The following CDK14 variants were observed in gnomAD, a reference collection of about 807,000 sequenced individuals.
The protein encoded by CDK14 is cyclin-dependent kinase 14.
A neutral mutation model predicts 60.7 loss-of-function variants in CDK14; 34 were observed. That is an observed-to-expected ratio of 0.56 (90% CI 0.43 to 0.75). The LOEUF is 0.75. CDK14 is among the 30% of genes least tolerant of loss of function. The pLI is 0.00. For missense variants in CDK14, 482 were observed against 564.1 expected (o/e 0.85, Z 1.47); for synonymous variants, 197 against 203.7 (o/e 0.97, Z 0.28).
intron 11 of CDK14, among the ~76,000 whole-genome samples, chr7:91,063,512 A>G (rs1447599818): frequency 1.3e-5 from 2 of 152,242 alleles, no homozygotes; most frequent in East Asian, 3.8e-4. Flanking sequence ...TTGTTTAAAA[A>G]GGACATAAGT....
chr7:90,623,963 A>G (rs576422419), intron 2 of CDK14, among the ~76,000 whole-genome samples: 3 of 152,278 alleles, frequency 2.0e-5, no homozygotes, highest in South Asian at 4.1e-4. Flanking sequence ...GCTTGCTAAG[A>G]TTAGGCAGGA....
chr7:90,837,136 C>T (rs959136430), intron 5 of CDK14, among the ~76,000 whole-genome samples: 16 of 152,246 alleles, frequency 1.1e-4, no homozygotes, highest in African/African-American at 3.9e-4. Flanking sequence ...CATTTTCCCT[C>T]AGGCCTTTGG....
chr7:90,844,650 T>C (rs1430409612), intron 5 of CDK14, among the ~76,000 whole-genome samples: 1 of 152,184 alleles, frequency 6.6e-6, no homozygotes, highest in Non-Finnish European at 1.5e-5. Flanking sequence ...AAGCTCCAGA[T>C]CTGTTGTTCA....
chr7:90,778,912 TC>T (rs1299025021), intron 4 of CDK14, among the ~76,000 whole-genome samples: 7 of 144,900 alleles, frequency 4.8e-5, no homozygotes, highest in African/African-American at 1.8e-4. Flanking sequence ...TTCTCTCTCC[TC>T]TCTCTTTTCT....
At chr7:90,643,204 C>G (rs1800381491) in intron 2 of CDK14, among the ~76,000 whole-genome samples, 1 of 152,204 alleles carries the variant, frequency 6.6e-6, no homozygotes, top group Admixed American at 6.5e-5. Context: ...ACACACACAG[C>G]CTCCAAACAC....
At chr7:90,665,539 C>T (rs967599025) in intron 2 of CDK14, among the ~76,000 whole-genome samples, 5 of 152,010 alleles carry the variant, frequency 3.3e-5, no homozygotes, top group African/African-American at 7.3e-5. Context: ...AGTTTCAGTC[C>T]GGGTTATTAA....
intron 14 of CDK14, among the ~76,000 whole-genome samples, chr7:91,143,851 C>T (rs1800541451): frequency 1.3e-5 from 2 of 152,098 alleles, no homozygotes; most frequent in Admixed American, 1.3e-4. Flanking sequence ...GTTCTTATCC[C>T]CGTTTTGCAG....
intron 10 of CDK14, among the ~76,000 whole-genome samples, chr7:91,029,600 T>G (rs1562874919): frequency 5.9e-5 from 7 of 118,512 alleles, no homozygotes; most frequent in South Asian, 5.7e-4. Context: ...TCTCCTCTCC[T>G]CTCCTCTCCT....
chr7:90,651,064 C>G (rs1800627125), intron 2 of CDK14, among the ~76,000 whole-genome samples: 1 of 152,140 alleles, frequency 6.6e-6, no homozygotes, highest in South Asian at 2.1e-4. Flanking sequence ...GCCATTTTCA[C>G]AATACTGATT....
intron 5 of CDK14, among the ~76,000 whole-genome samples, chr7:90,841,681 C>CACACACACACACACAT (rs1786175102): frequency 6.6e-6 from 1 of 151,650 alleles, no homozygotes; most frequent in Admixed American, 6.6e-5. Context: ...CACACACACA[C>CACACACACACACACAT]ACACACACAC....
At chr7:90,669,963 G>A (rs1355193711) in intron 2 of CDK14, among the ~76,000 whole-genome samples, 2 of 152,196 alleles carry the variant, frequency 1.3e-5, no homozygotes, top group Non-Finnish European at 2.9e-5. Context: ...TATAAATTCT[G>A]ATTTGGGGTT....
chr7:91,188,064 T>C (rs1802245989), intron 14 of CDK14, among the ~76,000 whole-genome samples: 1 of 152,216 alleles, frequency 6.6e-6, no homozygotes, highest in Non-Finnish European at 1.5e-5. Flanking sequence ...TGTTCTTTAT[T>C]AGAAAAGAAA....
chr7:91,101,345 G>A (rs563508145), intron 12 of CDK14, among the ~76,000 whole-genome samples: 11 of 152,140 alleles, frequency 7.2e-5, no homozygotes, highest in African/African-American at 2.7e-4. Flanking sequence ...ATAATACATG[G>A]GAAGGCATTT....
intron 14 of CDK14, among the ~76,000 whole-genome samples, chr7:91,188,622 A>G (rs1802260979): frequency 1.3e-5 from 2 of 152,320 alleles, no homozygotes; most frequent in South Asian, 4.1e-4. Context: ...TAGAGTAAGA[A>G]TTTCAGAATC....
chr7:91,176,618 A>G (rs1370764802), intron 14 of CDK14, among the ~76,000 whole-genome samples: 1 of 152,228 alleles, frequency 6.6e-6, no homozygotes, highest in African/African-American at 2.4e-5. Context: ...AAAAAATGAT[A>G]AAGGGCATAT....
At chr7:90,764,585 T>G (rs1287050584) in intron 4 of CDK14, among the ~76,000 whole-genome samples, 1 of 152,188 alleles carries the variant, frequency 6.6e-6, no homozygotes, top group Non-Finnish European at 1.5e-5. Flanking sequence ...AGTGCAAGAT[T>G]GTATGGTAGA....
At chr7:91,055,439 A>G (rs1415649836) in intron 11 of CDK14, among the ~76,000 whole-genome samples, 1 of 152,234 alleles carries the variant, frequency 6.6e-6, no homozygotes, top group African/African-American at 2.4e-5. Flanking sequence ...GGCATCAGTA[A>G]TGATGGAGAC....
intron 3 of CDK14, among the ~76,000 whole-genome samples, chr7:90,734,131 T>C (rs1802986860): frequency 6.6e-6 from 1 of 152,224 alleles, no homozygotes. Flanking sequence ...ATGTTGAATA[T>C]TGGCCTCCAC....
At chr7:90,706,608 G>A (rs570932405) in intron 2 of CDK14, among the ~76,000 whole-genome samples, 1 of 152,268 alleles carries the variant, frequency 6.6e-6, no homozygotes, top group South Asian at 2.1e-4. Flanking sequence ...GCAGAGGAAA[G>A]CCAGAGAAGG....
Sources: allele counts gnomAD v4.1 joint callset (sites outside exome capture counted in the v4.1 genomes callset), GRCh38; gene constraint gnomAD v4.1.1; transcripts MANE v1.5; gene names NCBI Gene and HGNC (gene_info 2026-07-23, HGNC 2026-07-21).